Variants in CBL observed in about 807,000 individuals in gnomAD.
CBL encodes the protein Cbl proto-oncogene.
Under a neutral mutation model 96.9 loss-of-function variants are expected in CBL, and 45 were observed. That is an observed-to-expected ratio of 0.46 (90% CI 0.37 to 0.60). The LOEUF (loss-of-function observed/expected upper bound fraction) is 0.60. Ranked by LOEUF, CBL falls within the 20% of genes least tolerant of loss-of-function variation. The probability of loss-of-function intolerance (pLI) is 0.00; values close to 1 mark genes in which losing one functional copy is unlikely to be tolerated. For missense variants in CBL, 1,024 were observed against 1,143.5 expected, an observed-to-expected ratio of 0.90 and a Z score of 1.51; for synonymous variants, 420 against 426.8, an observed-to-expected ratio of 0.98 and a Z score of 0.20.
rs1237480605 is a variant in CBL, at chr11:119,301,823, T to C, written c.*2042T>C. 2 of 233,124 alleles carry C rather than the reference T, an allele frequency of 8.6e-6. No individual in the cohort carries two copies. Among genetic ancestry groups the C allele is most frequent in the Non-Finnish European group, 1.7e-5 (2 of 118,052 alleles). 14.4% of individuals were successfully genotyped at this position (233,124 alleles called of 1,614,324 possible). A position where few individuals can be genotyped will look rare whatever the true frequency, so the allele number is the denominator to read the frequency against. On this transcript the variant is annotated 3_prime_UTR_variant, in exon 16 of 16. Coordinates refer to ENST00000264033, the MANE Select transcript of CBL (RefSeq NM_005188.4). ...ACCGCCATCAACTTCTAACAGCCAG[T>C]ACACACACTGTTTCATTTTGAGGTA...
chr11:119,294,530 C>T (rs541303499), intron 12 of CBL, among the ~76,000 whole-genome samples: 1 of 151,976 alleles, frequency 6.6e-6, no homozygotes, highest in South Asian at 2.1e-4. Flanking sequence ...TGCGGTGGCT[C>T]ACGCCTGTAA....
At position 119,297,488 on chromosome 11, in the gene CBL, T is replaced by G. The variant is rs1435511431; in HGVS notation, c.2251+7T>G. 1 of 1,583,818 alleles carries G rather than the reference T, an allele frequency of 6.3e-7. No homozygotes were observed. Among genetic ancestry groups the G allele is most frequent in the African/African-American group, 1.3e-5 (1 of 74,318 alleles). The stretch of plus-strand genomic sequence containing the variant: ...ACCGAGAGCAGCACCTTTGGTAAGT[T>G]GCCATTCTGCTACTTTAAAAATCAT... On this transcript the variant is annotated splice_region_variant and intron_variant, in intron 14 of 15. Coordinates refer to ENST00000264033, the MANE Select transcript of CBL (RefSeq NM_005188.4).
intron 2 of CBL, among the ~76,000 whole-genome samples, chr11:119,266,508 T>C (rs1428539748): frequency 6.6e-6 from 1 of 152,186 alleles, no homozygotes; most frequent in Non-Finnish European, 1.5e-5. Context: ...TAGTTCTTTA[T>C]TATGTGAAGT....
rs117834974 is a variant in CBL, at chr11:119,284,939, G to C, written c.1432-30G>C. 42,359 of 1,613,356 alleles carry C rather than the reference G, an allele frequency of 0.026. 654 individuals carry two copies. Among genetic ancestry groups the C allele is most frequent in the Non-Finnish European group, 0.031 (36,012 of 1,179,748 alleles). On this transcript the variant is annotated intron_variant, in intron 9 of 15. Coordinates refer to ENST00000264033, the MANE Select transcript of CBL (RefSeq NM_005188.4). ...AAAGATGCCATTTCCCCAAACGAAA[G>C]TAATCTGTTAAATTTTTTATGTACC...
chr11:119,246,061 G>A (rs1263100976), intron 2 of CBL, among the ~76,000 whole-genome samples: 1 of 127,546 alleles, frequency 7.8e-6, no homozygotes, highest in Non-Finnish European at 1.6e-5. Context: ...TGCAGCCTCT[G>A]CCTCCTGGGT....
At chr11:119,232,105 A>G (rs994484427) in intron 1 of CBL, among the ~76,000 whole-genome samples, 8 of 152,166 alleles carry the variant, frequency 5.3e-5, no homozygotes, top group Non-Finnish European at 1.2e-4. Flanking sequence ...ATAAATAAAT[A>G]AAAATATTGT....
chr11:119,303,934 T>C lies in CBL; in HGVS notation c.*4153T>C, dbSNP rs1272628926. ...TCACCATGTCCTGTACTATTTGGAATTGGTTTTCCAGTCTTTCAACAACCG... is the reference window on the plus strand; with the variant it reads ...TCACCATGTCCTGTACTATTTGGAACTGGTTTTCCAGTCTTTCAACAACCG... On this transcript the variant is annotated 3_prime_UTR_variant, in exon 16 of 16. Coordinates refer to ENST00000264033, the MANE Select transcript of CBL (RefSeq NM_005188.4). The C allele has an allele frequency of 4.3e-6, 1 of 233,568 alleles. No individual in the cohort carries two copies. Among genetic ancestry groups the C allele is most frequent in the Non-Finnish European group, 8.5e-6 (1 of 118,052 alleles). 14.5% of individuals were successfully genotyped at this position (233,568 alleles called of 1,614,324 possible).
rs1268100574 is a variant in CBL, at chr11:119,274,005, T to C, written c.728T>C (p.Ile243Thr). 1 of 1,613,750 alleles carries C rather than the reference T, an allele frequency of 6.2e-7. No individual in the cohort carries two copies. The highest frequency in any genetic ancestry group is 2.2e-5 in the East Asian group (1 of 44,868). ...TATATTTCGGTTTTTGAATTTGACA[T>C]CTTTACCCGACTCTTTCAGGTAGGA... ...NDYISVFEFD[I>T]FTRLFQPWSS... Residue 243 changes from isoleucine to threonine, a missense_variant, in exon 4 of 16, where the codon ATC (isoleucine) becomes ACC (threonine). By Grantham distance (89) the Ile-to-Thr change is moderately conservative. Around this residue, in one of 4 missense-constraint regions of CBL, gnomAD observed 192 missense variants for 321.8 expected, o/e 0.60. Transcript: ENST00000264033.
chr11:119,215,428 A>ATT (rs542002208), intron 1 of CBL, among the ~76,000 whole-genome samples: 25 of 133,770 alleles, frequency 1.9e-4, no homozygotes, highest in South Asian at 2.8e-4. Flanking sequence ...AAACAGCCTA[A>ATT]ATTTTTTTTT....
intron 6 of CBL, among the ~76,000 whole-genome samples, chr11:119,277,266 C>G (rs1005727655): frequency 6.6e-6 from 1 of 151,770 alleles, no homozygotes; most frequent in Non-Finnish European, 1.5e-5. Flanking sequence ...CACACACACA[C>G]ACACATAAAG....
Position 119,278,207 on chromosome 11 carries a change from A to C in CBL, c.1137A>C (p.Gln379His), listed in dbSNP as rs757933118. The change falls in exon 8 of 16, where the codon CAA (glutamine) becomes CAC (histidine). Residue 379 changes from glutamine (Q) to histidine (H), a missense_variant. Around this residue, in one of 4 missense-constraint regions of CBL, gnomAD observed 695 missense variants for 661.6 expected, o/e 1.05. Transcript: ENST00000264033. ...ELYCEMGSTF[Q>H]LCKICAENDK... The stretch of plus-strand genomic sequence containing the variant: ...ACTGTGAGATGGGCTCCACATTCCA[A>C]CTATGTAAAATATGTGCTGAAAATG... 1 of 1,611,650 alleles carries C rather than the reference A, an allele frequency of 6.2e-7. No homozygotes were observed. Among genetic ancestry groups the C allele is most frequent in the Non-Finnish European group, 8.5e-7 (1 of 1,177,722 alleles).
chr11:119,229,100 C>T (rs775733655), intron 1 of CBL, among the ~76,000 whole-genome samples: 1 of 152,046 alleles, frequency 6.6e-6, no homozygotes, highest in Admixed American at 6.6e-5. Context: ...TTTGCTAGAT[C>T]TTAATCTCTA....
At chr11:119,247,720 A>G (rs2135277481) in intron 2 of CBL, among the ~76,000 whole-genome samples, 1 of 152,338 alleles carries the variant, frequency 6.6e-6, no homozygotes, top group African/African-American at 2.4e-5. Flanking sequence ...CTAAGGCAGG[A>G]GAATTGCTTG....
intron 2 of CBL, among the ~76,000 whole-genome samples, chr11:119,244,556 A>T (rs1212978742): frequency 6.9e-6 from 1 of 145,846 alleles, no homozygotes; most frequent in Non-Finnish European, 1.5e-5. Flanking sequence ...TAGCTGGAAC[A>T]GGTGCATGCT....
At chr11:119,223,056 T>C (rs1200345857) in intron 1 of CBL, among the ~76,000 whole-genome samples, 3 of 152,022 alleles carry the variant, frequency 2.0e-5, no homozygotes, top group African/African-American at 7.3e-5. Context: ...GGCGTGTACC[T>C]GTAGTCCCGG....
At chr11:119,226,324 G>A (rs577335627) in intron 1 of CBL, among the ~76,000 whole-genome samples, 2 of 152,256 alleles carry the variant, frequency 1.3e-5, no homozygotes, top group African/African-American at 2.4e-5. Flanking sequence ...CTCAGATGGT[G>A]TGGAAATGAG....
intron 2 of CBL, among the ~76,000 whole-genome samples, chr11:119,249,611 G>A (rs1949656191): frequency 1.3e-5 from 2 of 150,482 alleles, no homozygotes; most frequent in African/African-American, 4.9e-5. Flanking sequence ...ATAACAAAAG[G>A]GAAAGGAAAG....
intron 2 of CBL, among the ~76,000 whole-genome samples, chr11:119,255,802 A>G (rs187255357): frequency 9.4e-4 from 143 of 152,254 alleles, no homozygotes; most frequent in African/African-American, 3.2e-3. Context: ...ATGTATGTCT[A>G]TATATGAATG....
intron 2 of CBL, among the ~76,000 whole-genome samples, chr11:119,239,117 G>A (rs1033926743): frequency 3.3e-5 from 5 of 151,948 alleles, no homozygotes; most frequent in African/African-American, 9.7e-5. Context: ...CCACAGGTGC[G>A]CACCATCATG....
Sources: allele counts gnomAD v4.1 joint callset (sites outside exome capture counted in the v4.1 genomes callset), GRCh38; gene constraint gnomAD v4.1.1; regional missense constraint gnomAD v4.1.1; transcripts MANE v1.5; gene names NCBI Gene and HGNC (gene_info 2026-07-23, HGNC 2026-07-21).